Variants in TENM4 observed in about 807,000 individuals in gnomAD.
The protein encoded by TENM4 is teneurin transmembrane protein 4.
Under a neutral mutation model 243.3 loss-of-function variants are expected in TENM4, and 82 were observed. The observed-to-expected ratio is 0.34, with a 90% CI of 0.28 to 0.40. The LOEUF (loss-of-function observed/expected upper bound fraction) is 0.40. TENM4 is among the 10% of genes least tolerant of loss of function. TENM4 has a pLI of 1.00. For missense variants in TENM4, 3,138 were observed against 3,673.3 expected, an observed-to-expected ratio of 0.85 and a Z score of 3.77; for synonymous variants, 1,412 against 1,456.3, an observed-to-expected ratio of 0.97 and a Z score of 0.69.
intron 1 of TENM4, among the ~76,000 whole-genome samples, chr11:79,348,934 T>A (rs887448403): frequency 6.6e-6 from 1 of 152,190 alleles, no homozygotes; most frequent in East Asian, 1.9e-4. Context: ...ACTTGCCCAA[T>A]AAATGATCGT....
At chr11:79,120,765 T>C (rs1861728052) in intron 4 of TENM4, among the ~76,000 whole-genome samples, 1 of 152,242 alleles carries the variant, frequency 6.6e-6, no homozygotes, top group South Asian at 2.1e-4. Flanking sequence ...AAGTATGGTT[T>C]CATGAATGGA....
At chr11:79,211,199 T>C (rs1590797487) in intron 3 of TENM4, among the ~76,000 whole-genome samples, 1 of 152,106 alleles carries the variant, frequency 6.6e-6, no homozygotes, top group Non-Finnish European at 1.5e-5. Context: ...ACAGACTAAG[T>C]TGGGAAAAGC....
At chr11:78,918,464 A>G (rs1856371000) in intron 6 of TENM4, among the ~76,000 whole-genome samples, 1 of 148,914 alleles carries the variant, frequency 6.7e-6, no homozygotes, top group African/African-American at 2.5e-5. Context: ...AAAAAAAAAA[A>G]GGGACAGAGA....
At chr11:79,063,199 G>T (rs1035586130) in intron 6 of TENM4, among the ~76,000 whole-genome samples, 1 of 152,178 alleles carries the variant, frequency 6.6e-6, no homozygotes, top group Non-Finnish European at 1.5e-5. Flanking sequence ...CTGACCGTGC[G>T]TGGTCTCCTG....
intron 6 of TENM4, among the ~76,000 whole-genome samples, chr11:79,034,721 C>G (rs1232662656): frequency 6.6e-6 from 1 of 152,032 alleles, no homozygotes. Flanking sequence ...TGGAAAATGC[C>G]TGGATAACAA....
At chr11:79,249,295 C>T (rs1198095403) in intron 2 of TENM4, among the ~76,000 whole-genome samples, 1 of 152,150 alleles carries the variant, frequency 6.6e-6, no homozygotes, top group Non-Finnish European at 1.5e-5. Context: ...CCTACCTACC[C>T]ATGGGCACAG....
chr11:79,026,190 C>T (rs1859073478), intron 6 of TENM4, among the ~76,000 whole-genome samples: 1 of 151,162 alleles, frequency 6.6e-6, no homozygotes, highest in Admixed American at 6.6e-5. Flanking sequence ...GTATAACATT[C>T]ATTAAGGGTA....
rs573044090 is a variant in TENM4, at chr11:78,911,213, T to C, written c.494-7690A>G. On this transcript the variant is annotated intron_variant, in intron 6 of 33. Coordinates refer to ENST00000278550, the MANE Select transcript of TENM4 (RefSeq NM_001098816.3). ...ATGGCTGGGAAGCACAGCTGGCCTT[T>C]GGCAGGAGGTGGCCAGGGAGGCTAG... 3.3e-5 allele frequency among the ~76,000 whole-genome samples: 5 copies of C among 152,324 alleles called. No individual in the cohort carries two copies. The South Asian group carries it at 1.0e-3, about 32-fold the overall frequency.
At chr11:79,048,180 A>C (rs1050849841) in intron 6 of TENM4, among the ~76,000 whole-genome samples, 2 of 152,202 alleles carry the variant, frequency 1.3e-5, no homozygotes, top group African/African-American at 4.8e-5. Flanking sequence ...ACAGTTTCAC[A>C]TACCAACCTC....
At chr11:79,410,675 C>T (rs1858680141) in intron 1 of TENM4, among the ~76,000 whole-genome samples, 1 of 152,148 alleles carries the variant, frequency 6.6e-6, no homozygotes, top group African/African-American at 2.4e-5. Flanking sequence ...ATTTATTTGC[C>T]TTCTCTGACC....
chr11:79,159,051 C>T (rs974067706), intron 3 of TENM4, among the ~76,000 whole-genome samples: 2 of 152,110 alleles, frequency 1.3e-5, no homozygotes, highest in Non-Finnish European at 2.9e-5. Flanking sequence ...GTGTAATTTC[C>T]AGGCCAAGAA....
intron 6 of TENM4, among the ~76,000 whole-genome samples, chr11:78,973,303 A>C (rs2136586106): frequency 6.6e-6 from 1 of 152,326 alleles, no homozygotes; most frequent in African/African-American, 2.4e-5. Flanking sequence ...GCAGTGTATG[A>C]GGGTGCCAAT....
intron 1 of TENM4, among the ~76,000 whole-genome samples, chr11:79,384,904 C>T (rs796751576): frequency 5.1e-5 from 4 of 78,366 alleles, no homozygotes; most frequent in African/African-American, 1.6e-4. Context: ...CCAGCCTGGG[C>T]AACAGAGCAA....
intron 6 of TENM4, among the ~76,000 whole-genome samples, chr11:79,032,519 C>T (rs191087088): frequency 1.3e-5 from 2 of 152,192 alleles, no homozygotes; most frequent in East Asian, 1.9e-4. Flanking sequence ...TTCTAAAAGG[C>T]GCCTCCTGCA....
chr11:78,768,720 A>G (rs1285485178), intron 18 of TENM4, among the ~76,000 whole-genome samples: 1 of 152,062 alleles, frequency 6.6e-6, no homozygotes, highest in African/African-American at 2.4e-5. Flanking sequence ...GATCTTTTCC[A>G]CTTCCTACTG....
intron 2 of TENM4, among the ~76,000 whole-genome samples, chr11:79,223,199 G>T (rs1282582371): frequency 6.6e-6 from 1 of 152,104 alleles, no homozygotes; most frequent in African/African-American, 2.4e-5. Flanking sequence ...CGTGTGTTTA[G>T]AGGATATGCA....
At chr11:79,139,038 T>C (rs188972158) in intron 4 of TENM4, among the ~76,000 whole-genome samples, 8 of 15,844 alleles carry the variant, frequency 5.0e-4, no homozygotes, top group Non-Finnish European at 1.0e-3. Flanking sequence ...ATTATATTTC[T>C]ATAAATATAT....
intron 6 of TENM4, among the ~76,000 whole-genome samples, chr11:78,964,592 G>A (rs569428579): frequency 1.3e-5 from 2 of 152,310 alleles, no homozygotes; most frequent in Admixed American, 6.5e-5. Context: ...TTCACCTTGA[G>A]AGCCTGCCTT....
intron 6 of TENM4, among the ~76,000 whole-genome samples, chr11:78,912,547 C>T (rs1360310627): frequency 2.6e-5 from 4 of 152,202 alleles, no homozygotes; most frequent in South Asian, 2.1e-4. Flanking sequence ...TGAGCCACCG[C>T]GCCTAGCCGA....
Sources: gnomAD v4.1 joint callset for allele counts (sites outside exome capture counted in the v4.1 genomes callset) on GRCh38, gnomAD v4.1.1 for gene constraint, MANE v1.5 for transcripts, NCBI Gene and HGNC (gene_info 2026-07-23, HGNC 2026-07-21) for gene names.